Variants in LHPP observed in about 807,000 individuals in gnomAD.
LHPP encodes the protein phospholysine phosphohistidine inorganic pyrophosphate phosphatase, also known as hLHPP.
In LHPP, 24 loss-of-function variants were observed where a neutral mutation model predicts 30.3. The observed-to-expected ratio is 0.79, with a 90% CI of 0.57 to 1.11. The LOEUF is 1.11. Ranked by LOEUF, LHPP falls within the 50% of genes most tolerant of loss-of-function variation. LHPP has a pLI of 0.00. For synonymous variants in LHPP, 150 were observed against 157.1 expected (o/e 0.95, Z 0.34); for missense variants, 356 against 367.2 (o/e 0.97, Z 0.25).
chr10:124,555,834 A>G (rs1365771980), intron 6 of LHPP, among the ~76,000 whole-genome samples: 1 of 152,180 alleles, frequency 6.6e-6, no homozygotes, highest in Non-Finnish European at 1.5e-5. Context: ...TTCTGGGCTC[A>G]GTTCTGCCCC....
chr10:124,481,924 C>T (rs1953150015), intron 1 of LHPP, among the ~76,000 whole-genome samples: 1 of 152,198 alleles, frequency 6.6e-6, no homozygotes, highest in African/African-American at 2.4e-5. Context: ...TGGGCTGTGT[C>T]CTTTCCCCAC....
chr10:124,602,406 C>A (rs1219463205), intron 6 of LHPP, among the ~76,000 whole-genome samples: 2 of 152,250 alleles, frequency 1.3e-5, no homozygotes, highest in Non-Finnish European at 2.9e-5. Context: ...GGCCACAAGT[C>A]TGCTAGCTAG....
At chr10:124,498,732 C>G (rs1156346674) in intron 5 of LHPP, 2 of 465,152 alleles carry the variant, frequency 4.3e-6, no homozygotes, top group South Asian at 1.6e-5. Flanking sequence ...TGTAGTGGCA[C>G]AGTCATGGCT....
intron 6 of LHPP, among the ~76,000 whole-genome samples, chr10:124,527,161 G>T (rs79920316): frequency 6.6e-6 from 1 of 152,348 alleles, no homozygotes; most frequent in Middle Eastern, 3.4e-3. Flanking sequence ...TCGGGGACAC[G>T]GCCAGGGCTG....
At chr10:124,577,710 A>ACAAG (rs1948686397) in intron 6 of LHPP, among the ~76,000 whole-genome samples, 1 of 151,774 alleles carries the variant, frequency 6.6e-6, no homozygotes, top group East Asian at 1.9e-4. Context: ...ATGCATGCAC[A>ACAAG]TGCATATGTG....
At chr10:124,565,464 A>C (rs543682797) in intron 6 of LHPP, among the ~76,000 whole-genome samples, 8 of 152,202 alleles carry the variant, frequency 5.3e-5, no homozygotes, top group African/African-American at 1.7e-4. Flanking sequence ...GTTTGGGGAG[A>C]GGAGGATCCA....
intron 6 of LHPP, among the ~76,000 whole-genome samples, chr10:124,518,778 C>G (rs1325563289): frequency 6.6e-6 from 1 of 152,222 alleles, no homozygotes; most frequent in Non-Finnish European, 1.5e-5. Context: ...AGGCCCCCCA[C>G]AGCCCACGAA....
intron 6 of LHPP, among the ~76,000 whole-genome samples, chr10:124,526,461 C>T (rs1046089183): frequency 1.2e-4 from 18 of 152,210 alleles, no homozygotes; most frequent in South Asian, 4.1e-4. Flanking sequence ...TCGAACCCAC[C>T]TCTGCCTGAC....
intron 6 of LHPP, among the ~76,000 whole-genome samples, chr10:124,524,805 AG>A (rs1954693108): frequency 6.6e-6 from 1 of 152,184 alleles, no homozygotes; most frequent in Non-Finnish European, 1.5e-5. Context: ...ACTGCACTTC[AG>A]CCTGGGTGAC....
In LHPP at chr10:124,593,059, A is replaced by G. The variant is rs1948900756; in HGVS notation, c.717-20205A>G. Among the ~76,000 whole-genome samples, 1 of 152,152 alleles carries G rather than the reference A, an allele frequency of 6.6e-6. No individual in the cohort carries two copies. Among genetic ancestry groups the G allele is most frequent in the Non-Finnish European group, 1.5e-5 (1 of 68,026 alleles). The stretch of plus-strand genomic sequence containing the variant: ...TTCGGGGAACCGGGTACAAGTTGCT[A>G]GGGAAATACAGGGGGAGGGTGCTGC... On this transcript the variant is annotated intron_variant, in intron 6 of 6. Transcript: ENST00000368842. This position sits in a 1 kb window ranked among gnomAD's most constrained non-coding sequence, Gnocchi z 4.9.
intron 1 of LHPP, among the ~76,000 whole-genome samples, chr10:124,471,501 TA>T (rs1952748877): frequency 3.8e-4 from 2 of 5,310 alleles, no homozygotes; most frequent in South Asian, 2.0e-3. Context: ...TATATATATT[TA>T]TATATTATAT....
chr10:124,483,501 G>C, intron 1 of LHPP, among the ~76,000 whole-genome samples: 1 of 152,250 alleles, frequency 6.6e-6, no homozygotes. Context: ...GGCCAGGCAC[G>C]GTGGCTCACA....
intron 1 of LHPP, among the ~76,000 whole-genome samples, chr10:124,468,252 G>A (rs189276283): frequency 1.3e-5 from 2 of 152,284 alleles, no homozygotes; most frequent in African/African-American, 4.8e-5. Flanking sequence ...TGCCAGGAGG[G>A]TTTTGTTTGG....
intron 6 of LHPP, among the ~76,000 whole-genome samples, chr10:124,536,409 C>T (rs1955029797): frequency 6.6e-6 from 1 of 152,230 alleles, no homozygotes; most frequent in Admixed American, 6.5e-5. Flanking sequence ...CGAGGCCACC[C>T]CAGCCAGGCT....
At chr10:124,578,299 A>G (rs4962662) in intron 6 of LHPP, among the ~76,000 whole-genome samples, 69,355 of 152,092 alleles carry the variant, frequency 0.46, 15,863 homozygotes, top group Admixed American at 0.52. Flanking sequence ...ACGCCCCGTG[A>G]CCACCTCAGG....
At chr10:124,536,218 A>C (rs967656970) in intron 6 of LHPP, among the ~76,000 whole-genome samples, 3 of 152,118 alleles carry the variant, frequency 2.0e-5, no homozygotes, top group African/African-American at 7.2e-5. Context: ...CTTGCTCCCG[A>C]GTATTTTGCC....
At chr10:124,609,231 A>G (rs1949134215) in intron 6 of LHPP, among the ~76,000 whole-genome samples, 1 of 152,214 alleles carries the variant, frequency 6.6e-6, no homozygotes, top group South Asian at 2.1e-4. Flanking sequence ...CACAATAGCA[A>G]CTGTGAGCAT....
intron 6 of LHPP, among the ~76,000 whole-genome samples, chr10:124,577,091 T>C (rs1189708071): frequency 2.0e-5 from 3 of 152,248 alleles, no homozygotes; most frequent in African/African-American, 7.2e-5. Context: ...ATTGTCATCC[T>C]CATTTCAGAG....
At chr10:124,533,492 C>T (rs1236422906) in intron 6 of LHPP, among the ~76,000 whole-genome samples, 4 of 152,200 alleles carry the variant, frequency 2.6e-5, no homozygotes, top group Admixed American at 6.5e-5. Context: ...CAGTGTCACC[C>T]GGACAGAGTG....
Sources: allele counts gnomAD v4.1 joint callset (sites outside exome capture counted in the v4.1 genomes callset), GRCh38; gene constraint gnomAD v4.1.1; non-coding constraint Gnocchi (gnomAD v3.1); transcripts MANE v1.5; gene names NCBI Gene and HGNC (gene_info 2026-07-23, HGNC 2026-07-21).